The following LPP variants were observed in gnomAD, a reference collection of about 807,000 sequenced individuals.
The protein encoded by LPP is lipoma-preferred partner.
A neutral mutation model predicts 60.4 loss-of-function variants in LPP; 38 were observed. The observed-to-expected ratio is 0.63, with a 90% CI of 0.49 to 0.83. The LOEUF (loss-of-function observed/expected upper bound fraction) is 0.83, where lower values mean the gene tolerates loss of function less well. LPP is among the 40% of genes least tolerant of loss of function. LPP has a pLI of 0.00. For synonymous variants in LPP, 328 were observed against 290.8 expected (o/e 1.13, Z -1.30); for missense variants, 902 against 783.6 (o/e 1.15, Z -1.80).
At chr3:188,495,029 T>A in intron 5 of LPP, among the ~76,000 whole-genome samples, 1 of 130,046 alleles carries the variant, frequency 7.7e-6, no homozygotes, top group Non-Finnish European at 1.6e-5. Context: ...AGTTAACCCG[T>A]GATCCCATCC....
In LPP at chr3:188,830,777, A is replaced by G. The variant is rs537083633; in HGVS notation, c.1411-35423A>G. Among the ~76,000 whole-genome samples the G allele has an allele frequency of 1.5e-3, 227 of 152,196 alleles. 1 individual carries two copies. Among genetic ancestry groups the G allele is most frequent in the African/African-American group, 4.5e-3 (187 of 41,520 alleles). The stretch of plus-strand genomic sequence containing the variant: ...AGTGATGCTCAGAGCTGACATGTCA[A>G]TTTTTCCTATTACATAGTAAGAAGC... On this transcript the variant is annotated intron_variant, in intron 9 of 11. Transcript: ENST00000617246.
chr3:188,452,053 C>T lies in LPP; in HGVS notation c.194-32539C>T, dbSNP rs188104317. Among the ~76,000 whole-genome samples, 658 of 152,188 alleles carry T rather than the reference C, an allele frequency of 4.3e-3. 5 individuals carry two copies. The highest frequency in any genetic ancestry group is 0.015 in the African/African-American group (613 of 41,514). ...TTGTGTGTTTTCAGAGAGAAACAGC[C>T]GTACTTAACAATCTGGTTTCAGATT... On this transcript the variant is annotated intron_variant, in intron 4 of 11. Transcript: ENST00000617246.
intron 8 of LPP, among the ~76,000 whole-genome samples, chr3:188,745,623 CT>C (rs142478162): frequency 0.011 from 1,645 of 152,266 alleles, 31 homozygotes; most frequent in African/African-American, 0.035. Flanking sequence ...AAGCTGACCC[CT>C]AATACATCTT....
intron 4 of LPP, among the ~76,000 whole-genome samples, chr3:188,430,158 C>T (rs1790528214): frequency 6.6e-6 from 1 of 151,556 alleles, no homozygotes; most frequent in Non-Finnish European, 1.5e-5. Flanking sequence ...TTTAGACTTA[C>T]TAGGCCTAAA....
At chr3:188,459,017 G>A (rs1193473556) in intron 4 of LPP, among the ~76,000 whole-genome samples, 1 of 152,126 alleles carries the variant, frequency 6.6e-6, no homozygotes, top group Non-Finnish European at 1.5e-5. Context: ...AGATAAACTA[G>A]ATTTTATTTG....
chr3:188,580,098 A>AT (rs1835722078), intron 6 of LPP, among the ~76,000 whole-genome samples: 1 of 152,190 alleles, frequency 6.6e-6, no homozygotes, highest in Non-Finnish European at 1.5e-5. Flanking sequence ...CGGCTTATAC[A>AT]AACCATAGTA....
chr3:188,356,226 G>T (rs570517745), intron 3 of LPP, among the ~76,000 whole-genome samples: 1 of 152,114 alleles, frequency 6.6e-6, no homozygotes, highest in Non-Finnish European at 1.5e-5. Flanking sequence ...TACTAAAAGG[G>T]CAGAGTCTTA....
At chr3:188,243,299 C>T (rs1725654024) in intron 2 of LPP, among the ~76,000 whole-genome samples, 3 of 152,096 alleles carry the variant, frequency 2.0e-5, no homozygotes, top group Non-Finnish European at 4.4e-5. Context: ...TTCCCCCTAC[C>T]CCTCAGGTTA....
chr3:188,316,537 A>G (rs1755132509), intron 2 of LPP, among the ~76,000 whole-genome samples: 1 of 152,182 alleles, frequency 6.6e-6, no homozygotes, highest in South Asian at 2.1e-4. Flanking sequence ...GATGCCCATG[A>G]TGTTTGTGAC....
At chr3:188,549,910 G>A (rs1469501613) in intron 6 of LPP, among the ~76,000 whole-genome samples, 2 of 152,136 alleles carry the variant, frequency 1.3e-5, no homozygotes, top group African/African-American at 4.8e-5. Context: ...CTTGCTTAGT[G>A]TGCATTAAAA....
At position 188,874,621 on chromosome 3, in the gene LPP, G is replaced by A. The variant is rs909658537; in HGVS notation, c.*142G>A. ...CTTGCCTTAGAAACACATAAATTAT[G>A]AGATTTTTTTTAAAAGTTGTTACCA... is the stretch of plus-strand genomic sequence containing the variant. On this transcript the variant is annotated 3_prime_UTR_variant, in exon 12 of 12. Coordinates refer to ENST00000617246, the MANE Select transcript of LPP (RefSeq NM_001375462.1). The A allele has an allele frequency of 3.1e-6, 3 of 962,542 alleles. No individual in the cohort carries two copies. In the African/African-American group the frequency reaches 4.9e-5, roughly 16 times the overall value. 59.6% of individuals were successfully genotyped at this position (962,542 alleles called of 1,614,324 possible).
chr3:188,830,640 C>T (rs1010844802), intron 9 of LPP, among the ~76,000 whole-genome samples: 1 of 151,984 alleles, frequency 6.6e-6, no homozygotes, highest in African/African-American at 2.4e-5. Flanking sequence ...CCACACCCAC[C>T]CCCAACGAAC....
intron 2 of LPP, among the ~76,000 whole-genome samples, chr3:188,269,679 G>GTGTGTGTT (rs1293744303): frequency 2.7e-5 from 4 of 148,912 alleles, no homozygotes; most frequent in African/African-American, 1.0e-4. Flanking sequence ...GTGTGTGTGT[G>GTGTGTGTT]TCACTCTGTC....
chr3:188,413,894 C>T (rs1785490199), intron 4 of LPP, among the ~76,000 whole-genome samples: 1 of 152,164 alleles, frequency 6.6e-6, no homozygotes, highest in Non-Finnish European at 1.5e-5. Flanking sequence ...GTAATACCAA[C>T]TGCCTCACAA....
chr3:188,559,431 C>T (rs1392795476), intron 6 of LPP, among the ~76,000 whole-genome samples: 9 of 151,886 alleles, frequency 5.9e-5, no homozygotes, highest in Admixed American at 2.6e-4. Context: ...ACACTTTGCA[C>T]ATTATGATAA....
At chr3:188,769,867 T>C (rs1188093572) in intron 9 of LPP, among the ~76,000 whole-genome samples, 1 of 152,206 alleles carries the variant, frequency 6.6e-6, no homozygotes, top group East Asian at 1.9e-4. Flanking sequence ...CTAACCAGAA[T>C]GAAGGGTCTC....
intron 7 of LPP, among the ~76,000 whole-genome samples, chr3:188,664,636 T>C (rs898724692): frequency 6.6e-6 from 1 of 151,778 alleles, no homozygotes; most frequent in Non-Finnish European, 1.5e-5. Flanking sequence ...TGTGTGTGTG[T>C]GGAGAGAGAG....
chr3:188,418,608 A>T (rs1786968693), intron 4 of LPP, among the ~76,000 whole-genome samples: 2 of 152,154 alleles, frequency 1.3e-5, no homozygotes, highest in Non-Finnish European at 2.9e-5. Context: ...TTTTTCCATC[A>T]TTATTTTCCC....
Position 188,350,308 on chromosome 3 carries a change from T to A in LPP, c.-10+8589T>A, listed in dbSNP as rs757024640. ...GAGAGAGACAGAATTTGGAGAACTC[T>A]TTCCTATTGGAGGTTTCTTATAGAA... On this transcript the variant is annotated intron_variant, in intron 3 of 11. Coordinates refer to ENST00000617246, the MANE Select transcript of LPP (RefSeq NM_001375462.1). Among the ~76,000 whole-genome samples, 74 of 152,210 alleles carry A rather than the reference T, an allele frequency of 4.9e-4. 2 individuals carry two copies. Among genetic ancestry groups the A allele is most frequent in the Non-Finnish European group, 5.3e-4 (36 of 68,036 alleles).
Sources: gnomAD v4.1 joint callset for allele counts (sites outside exome capture counted in the v4.1 genomes callset) on GRCh38, gnomAD v4.1.1 for gene constraint, MANE v1.5 for transcripts, NCBI Gene and HGNC (gene_info 2026-07-23, HGNC 2026-07-21) for gene names.